The following SPACA1 variants were observed in gnomAD, a reference collection of about 807,000 sequenced individuals.
SPACA1 encodes sperm acrosome membrane-associated protein 1.
A neutral mutation model predicts 32.6 loss-of-function variants in SPACA1; 17 were observed. The observed-to-expected ratio is 0.52, with a 90% CI of 0.36 to 0.78. SPACA1 has a LOEUF of 0.78. Among genes scored for constraint, SPACA1 ranks in the 30% least tolerant of loss-of-function variants. SPACA1 has a pLI of 0.01. For missense variants in SPACA1, 363 were observed against 373.4 expected, an observed-to-expected ratio of 0.97 and a Z score of 0.23; for synonymous variants, 140 against 138.1, an observed-to-expected ratio of 1.01 and a Z score of -0.10.
intron 6 of SPACA1, among the ~76,000 whole-genome samples, chr6:88,065,139 A>G (rs147072865): frequency 2.9e-3 from 431 of 148,658 alleles, no homozygotes; most frequent in African/African-American, 6.5e-3. Context: ...TATTTCTACC[A>G]TGTATACACA....
intron 2 of SPACA1, among the ~76,000 whole-genome samples, chr6:88,056,019 A>G (rs1775801882): frequency 6.6e-6 from 1 of 151,978 alleles, no homozygotes. Flanking sequence ...AAAAATATTA[A>G]CAATAGCATG....
chr6:88,050,892 G>T (rs1775717617), intron 1 of SPACA1, among the ~76,000 whole-genome samples: 1 of 152,254 alleles, frequency 6.6e-6, no homozygotes, highest in Non-Finnish European at 1.5e-5. Context: ...GCTCACGCCT[G>T]TAATCCCAGT....
At chr6:88,058,499 C>T (rs1775843164) in intron 3 of SPACA1, among the ~76,000 whole-genome samples, 1 of 152,090 alleles carries the variant, frequency 6.6e-6, no homozygotes, top group African/African-American at 2.4e-5. Context: ...ATTAGCCAGG[C>T]ACAGTGGCAT....
At chr6:88,047,557 T>TGAG (rs1775655544), upstream of SPACA1, among the ~76,000 whole-genome samples, 1 of 152,116 alleles carries the variant, frequency 6.6e-6, no homozygotes. Flanking sequence ...CTCCATAAAC[T>TGAG]GAGGCAGAAG....
intron 6 of SPACA1, among the ~76,000 whole-genome samples, chr6:88,065,492 A>G (rs181135298): frequency 1.3e-5 from 2 of 148,330 alleles, no homozygotes; most frequent in East Asian, 2.0e-4. Context: ...TTGCATATAT[A>G]TTATATATTA....
At chr6:88,057,742 C>G (rs201142491) in intron 3 of SPACA1, 29 bp downstream of exon 3, 169 of 1,585,184 alleles carry the variant, frequency 1.1e-4, no homozygotes, top group South Asian at 3.5e-4. Flanking sequence ...TGGAGGGAGA[C>G]TGTGGGCAAG....
At chr6:88,052,309 G>C (rs561459232) in intron 1 of SPACA1, among the ~76,000 whole-genome samples, 1 of 151,840 alleles carries the variant, frequency 6.6e-6, no homozygotes. Flanking sequence ...AATGGTTTTT[G>C]AAAAAGGCTT....
intron 2 of SPACA1, 63 bp downstream of exon 2, chr6:88,054,065 C>T (rs1164056563): frequency 2.3e-5 from 33 of 1,464,866 alleles, no homozygotes; most frequent in Middle Eastern, 1.7e-4. Context: ...AAGGTAAAAG[C>T]AGATAGTGTG....
intron 1 of SPACA1, among the ~76,000 whole-genome samples, chr6:88,048,961 C>T (rs1775688527): frequency 6.6e-6 from 1 of 152,186 alleles, no homozygotes; most frequent in South Asian, 2.1e-4. Context: ...ATATTGTTTG[C>T]ATTCTCATAT....
At chr6:88,061,762 T>C (rs972678748) in intron 5 of SPACA1, among the ~76,000 whole-genome samples, 2 of 152,170 alleles carry the variant, frequency 1.3e-5, no homozygotes, top group Non-Finnish European at 2.9e-5. Context: ...GTTATGGTGG[T>C]CCTAGGAAAC....
rs190482729 is a variant in SPACA1 at position 88,065,004 on chromosome 6, A to G, written c.731+785A>G. 3.0e-4 allele frequency among the ~76,000 whole-genome samples: 45 copies of G among 148,836 alleles called. No homozygotes were observed. In the East Asian group the frequency reaches 5.8e-3, roughly 19 times the overall value. On this transcript the variant is annotated intron_variant, in intron 6 of 6. Coordinates refer to ENST00000237201, the MANE Select transcript of SPACA1 (RefSeq NM_030960.3). ...TTATTATTTTGTTTGTGATGCATAT[A>G]TATTACATATGATTGTGTATACATC... is the stretch of plus-strand genomic sequence containing the variant.
chr6:88,065,404 C>T (rs1422091369), intron 6 of SPACA1, among the ~76,000 whole-genome samples: 1 of 146,938 alleles, frequency 6.8e-6, no homozygotes, highest in African/African-American at 2.5e-5. Flanking sequence ...GACCTGTATA[C>T]AGTATATATA....
chr6:88,049,769 C>G (rs1003747850), intron 1 of SPACA1, among the ~76,000 whole-genome samples: 1 of 152,128 alleles, frequency 6.6e-6, no homozygotes, highest in Non-Finnish European at 1.5e-5. Context: ...TGTACTCTAA[C>G]TGGGCAAAGT....
chr6:88,061,605 A>G (rs1775898653), intron 5 of SPACA1, among the ~76,000 whole-genome samples: 1 of 152,182 alleles, frequency 6.6e-6, no homozygotes, highest in Non-Finnish European at 1.5e-5. Flanking sequence ...CCAGAAGCTG[A>G]GAAGCTGTAA....
At chr6:88,056,760 G>T (rs1324178362) in intron 2 of SPACA1, among the ~76,000 whole-genome samples, 1 of 152,078 alleles carries the variant, frequency 6.6e-6, no homozygotes, top group East Asian at 1.9e-4. Flanking sequence ...TCTTAACATG[G>T]GACACGGTTC....
At chr6:88,051,835 G>C (rs1350787855) in intron 1 of SPACA1, among the ~76,000 whole-genome samples, 1 of 152,098 alleles carries the variant, frequency 6.6e-6, no homozygotes, top group African/African-American at 2.4e-5. Context: ...ATCCTTTCTA[G>C]CTTTGCAGAA....
At chr6:88,062,957 G>A (rs1216363838) in intron 5 of SPACA1, among the ~76,000 whole-genome samples, 2 of 152,102 alleles carry the variant, frequency 1.3e-5, no homozygotes, top group Admixed American at 6.5e-5. Context: ...TTCAGGAGTA[G>A]GCAAACGTTT....
rs1469287831 is a variant in SPACA1 at position 88,057,606 on chromosome 6, C to T, written c.266-6C>T. 7 of 1,606,144 alleles carry T rather than the reference C, an allele frequency of 4.4e-6. No homozygotes were observed. The highest frequency in any genetic ancestry group is 6.0e-6 in the Non-Finnish European group (7 of 1,173,076). ...AACATTTGCCTTTTTAAATTTTAAA[C>T]CAAAGGTATTGGTGTTAGAGAAGTT... On this transcript the variant is annotated splice_region_variant and splice_polypyrimidine_tract_variant and intron_variant, in intron 2 of 6. Transcript: ENST00000237201.
At chr6:88,055,683 G>A (rs1441039649) in intron 2 of SPACA1, among the ~76,000 whole-genome samples, 1 of 152,192 alleles carries the variant, frequency 6.6e-6, no homozygotes, top group Non-Finnish European at 1.5e-5. Flanking sequence ...TAAAATAACT[G>A]CTTTAAGCCG....
Sources: gnomAD v4.1 joint callset for allele counts (sites outside exome capture counted in the v4.1 genomes callset) on GRCh38, gnomAD v4.1.1 for gene constraint, MANE v1.5 for transcripts, NCBI Gene and HGNC (gene_info 2026-07-23, HGNC 2026-07-21) for gene names.